Variants in TPD52 observed in about 807,000 individuals in gnomAD.
TPD52 encodes prostate and colon associated protein.
Under a neutral mutation model 31.3 loss-of-function variants are expected in TPD52, and 17 were observed. The observed-to-expected ratio is 0.54, with a 90% CI of 0.37 to 0.82. The LOEUF is 0.82. Ranked by LOEUF, TPD52 falls within the 40% of genes least tolerant of loss-of-function variation. The pLI, the probability that TPD52 is intolerant of heterozygous loss-of-function variation, is 0.00. For synonymous variants in TPD52, 83 were observed against 89.6 expected, an observed-to-expected ratio of 0.93 and a Z score of 0.42; for missense variants, 212 against 240.1, an observed-to-expected ratio of 0.88 and a Z score of 0.77.
chr8:80,103,354 C>G (rs963479582), intron 1 of TPD52, among the ~76,000 whole-genome samples: 6 of 152,226 alleles, frequency 3.9e-5, no homozygotes, highest in Admixed American at 2.6e-4. Flanking sequence ...TCCACTCTAA[C>G]CAATCAAAAT....
At chr8:80,095,776 T>C (rs1816679773) in intron 1 of TPD52, among the ~76,000 whole-genome samples, 1 of 152,152 alleles carries the variant, frequency 6.6e-6, no homozygotes, top group Admixed American at 6.5e-5. Flanking sequence ...AAACTCCGTC[T>C]GTCTCCACTA....
rs906307444 is a variant in TPD52, at chr8:80,145,465, G to A, written c.19+25960C>T. 2.0e-5 allele frequency among the ~76,000 whole-genome samples: 3 copies of A among 152,222 alleles called. No individual in the cohort carries two copies. In the South Asian group the frequency reaches 6.2e-4, roughly 31 times the overall value. ...CTATGAAGGAGCAGCCGAAATGCAA[G>A]AACACCTTCCCCTACTTCTCTGTAT... On this transcript the variant is annotated intron_variant, in intron 1 of 7. Coordinates refer to ENST00000518937, the MANE Select transcript of TPD52 (RefSeq NM_001025253.3).
At chr8:80,115,408 C>T (rs947905373) in intron 1 of TPD52, among the ~76,000 whole-genome samples, 37 of 152,048 alleles carry the variant, frequency 2.4e-4, no homozygotes, top group African/African-American at 5.6e-4. Context: ...AGAGAGATGA[C>T]GAAAAGCAGA....
chr8:80,141,764 G>C (rs1051961870), intron 1 of TPD52, among the ~76,000 whole-genome samples: 8 of 152,136 alleles, frequency 5.3e-5, no homozygotes, highest in Non-Finnish European at 1.0e-4. Context: ...ACAAAAATTA[G>C]CTGGGCATGG....
chr8:80,068,906 T>A (rs920587208), intron 1 of TPD52, among the ~76,000 whole-genome samples: 4 of 152,232 alleles, frequency 2.6e-5, no homozygotes, highest in African/African-American at 9.6e-5. Context: ...CAAACATGCT[T>A]CAAAATTTGC....
intron 1 of TPD52, among the ~76,000 whole-genome samples, chr8:80,097,275 A>T (rs1166365584): frequency 6.6e-6 from 1 of 152,240 alleles, no homozygotes; most frequent in Non-Finnish European, 1.5e-5. Context: ...GATTAAGGAA[A>T]GAAGCCATCT....
At chr8:80,124,823 A>C (rs371413751) in intron 1 of TPD52, among the ~76,000 whole-genome samples, 7 of 152,284 alleles carry the variant, frequency 4.6e-5, no homozygotes, top group African/African-American at 1.4e-4. Flanking sequence ...AACAAACAAA[A>C]AAACCACCTT....
At chr8:80,141,384 T>C (rs1485120513) in intron 1 of TPD52, among the ~76,000 whole-genome samples, 1 of 152,190 alleles carries the variant, frequency 6.6e-6, no homozygotes, top group African/African-American at 2.4e-5. Flanking sequence ...GTTCTCTTTC[T>C]CTTGCATCAT....
At chr8:80,042,989 A>G (rs1345138823) in intron 6 of TPD52, 1 of 204,270 alleles carries the variant, frequency 4.9e-6, no homozygotes, top group Non-Finnish European at 9.8e-6. Context: ...TCCCCAACCA[A>G]CTTGTCATGG....
At chr8:80,143,436 C>T (rs1329403256) in intron 1 of TPD52, among the ~76,000 whole-genome samples, 3 of 152,196 alleles carry the variant, frequency 2.0e-5, no homozygotes, top group Non-Finnish European at 2.9e-5. Flanking sequence ...AAAAGTTTGG[C>T]TCCTTTGGGA....
At chr8:80,046,105 C>A (rs956142791) in intron 5 of TPD52, among the ~76,000 whole-genome samples, 2 of 152,096 alleles carry the variant, frequency 1.3e-5, no homozygotes, top group Admixed American at 1.3e-4. Flanking sequence ...GGCTCTATAC[C>A]ACTTTACCTA....
Position 80,094,460 on chromosome 8 carries a change from A to G in TPD52, c.20-29867T>C, listed in dbSNP as rs954478551. Among the ~76,000 whole-genome samples the G allele has an allele frequency of 1.0e-4, 11 of 109,334 alleles. 1 individual carries two copies. The highest frequency in any genetic ancestry group is 1.4e-4 in the Non-Finnish European group (7 of 50,002). 71.7% of individuals were successfully genotyped at this position (109,334 alleles called of 152,430 possible). A position where few individuals can be genotyped will look rare whatever the true frequency, so the allele number is the denominator to read the frequency against. On this transcript the variant is annotated intron_variant, in intron 1 of 7. Transcript: ENST00000518937. ...TATATATATATATATATATATATAT[A>G]TATATATATATATATATATATATAT...
chr8:80,093,059 T>C (rs1203127211), intron 1 of TPD52, among the ~76,000 whole-genome samples: 1 of 152,156 alleles, frequency 6.6e-6, no homozygotes, highest in Non-Finnish European at 1.5e-5. Flanking sequence ...TTTTTGTTTT[T>C]CTGAGACCCT....
intron 1 of TPD52, among the ~76,000 whole-genome samples, chr8:80,132,905 T>A (rs1549460): frequency 0.43 from 65,612 of 151,890 alleles, 14,765 homozygotes; most frequent in East Asian, 0.78. Flanking sequence ...TTACCTGGAG[T>A]TTAGTTACCC....
chr8:80,051,491 C>G, intron 4 of TPD52, 36 bp downstream of exon 4: 3 of 1,577,700 alleles, frequency 1.9e-6, no homozygotes, highest in Non-Finnish European at 2.6e-6. Flanking sequence ...TAATTTGCGT[C>G]AGCTACTTAA....
chr8:80,053,916 G>T (rs751787090), intron 2 of TPD52, among the ~76,000 whole-genome samples: 9 of 152,074 alleles, frequency 5.9e-5, no homozygotes, highest in Non-Finnish European at 1.2e-4. Context: ...CAATCTCCTT[G>T]CATATTTGAT....
intron 3 of TPD52, chr8:80,052,644 G>A: frequency 7.8e-7 from 1 of 1,289,142 alleles, no homozygotes; most frequent in African/African-American, 1.5e-5. Flanking sequence ...AGACAGAGCA[G>A]TTCGGTTTCT....
intron 1 of TPD52, among the ~76,000 whole-genome samples, chr8:80,071,082 G>GCGAACGCCAAGGTCTGCAAT (rs1813722493): frequency 6.6e-6 from 1 of 152,214 alleles, no homozygotes; most frequent in Admixed American, 6.5e-5. Context: ...AGGTCTGCAA[G>GCGAACGCCAAGGTCTGCAAT]CAAACACCAG....
At chr8:80,112,266 A>G (rs756710899) in intron 1 of TPD52, among the ~76,000 whole-genome samples, 6 of 152,242 alleles carry the variant, frequency 3.9e-5, no homozygotes, top group Non-Finnish European at 7.3e-5. Flanking sequence ...CAATAATTCT[A>G]TGAAGTAGAT....
Sources: gnomAD v4.1 joint callset for allele counts (sites outside exome capture counted in the v4.1 genomes callset) on GRCh38, gnomAD v4.1.1 for gene constraint, MANE v1.5 for transcripts, NCBI Gene and HGNC (gene_info 2026-07-23, HGNC 2026-07-21) for gene names.